Variants in ZBTB7C observed in about 807,000 individuals in gnomAD.
ZBTB7C encodes zinc finger and BTB domain containing 7C, also known as zinc finger and BTB domain-containing protein 7C.
ZBTB7C carries 8 observed loss-of-function variants against 25.7 expected under a neutral mutation model. The observed-to-expected ratio is 0.31, with a 90% CI of 0.18 to 0.56. The LOEUF (loss-of-function observed/expected upper bound fraction) is 0.56, where lower values mean the gene tolerates loss of function less well. ZBTB7C is among the 20% of genes least tolerant of loss of function. ZBTB7C has a pLI of 0.91. For synonymous variants in ZBTB7C, 394 were observed against 369.0 expected, an observed-to-expected ratio of 1.07 and a Z score of -0.78; for missense variants, 824 against 855.2, an observed-to-expected ratio of 0.96 and a Z score of 0.46.
At chr18:48,315,436 A>G in intron 2 of ZBTB7C, among the ~76,000 whole-genome samples, 1 of 152,126 alleles carries the variant, frequency 6.6e-6, no homozygotes, top group East Asian at 1.9e-4. Context: ...CATGATGTCC[A>G]AGGTAGTCAG....
rs1010749034 is a variant in ZBTB7C at position 48,040,705 on chromosome 18, C to T, written c.403G>A (p.Glu135Lys). 7 of 1,611,098 alleles carry T rather than the reference C, an allele frequency of 4.3e-6. No homozygotes were observed. Among genetic ancestry groups the T allele is most frequent in the Admixed American group, 3.3e-5 (2 of 59,878 alleles). ...TCATCGTCCTCCTTGTCATCCTCCT[C>T]CCCCCCGTCCCCCCCAGGCTCCATG... Reference protein sequence around the residue: ...EIMEPGGDGGEEDDKEDDDDD... With the variant: ...EIMEPGGDGGKEDDKEDDDDD... Residue 135 changes from glutamate (E) to lysine (K), a missense_variant, in exon 4 of 5, where the codon GAG (glutamate) becomes AAG (lysine). Glu to Lys is a moderately conservative substitution (Grantham distance 56). Transcript: ENST00000590800.
intron 2 of ZBTB7C, among the ~76,000 whole-genome samples, chr18:48,337,577 C>T (rs182115094): frequency 6.6e-6 from 1 of 152,310 alleles, no homozygotes; most frequent in Admixed American, 6.5e-5. Flanking sequence ...CTCTCCAGAC[C>T]CCTACTCATT....
At chr18:48,088,787 G>A (rs4452023) in intron 3 of ZBTB7C, among the ~76,000 whole-genome samples, 2,230 of 152,208 alleles carry the variant, frequency 0.015, 59 homozygotes, top group African/African-American at 0.051. Flanking sequence ...CAGAGATTGC[G>A]CTACTGCACT....
At chr18:48,190,403 T>C (rs1342752035) in intron 2 of ZBTB7C, among the ~76,000 whole-genome samples, 1 of 152,190 alleles carries the variant, frequency 6.6e-6, no homozygotes, top group South Asian at 2.1e-4. Flanking sequence ...GATGCAGATA[T>C]GAAAAGGTGT....
At chr18:48,366,016 A>G (rs1555751602) in intron 1 of ZBTB7C, among the ~76,000 whole-genome samples, 1 of 152,238 alleles carries the variant, frequency 6.6e-6, no homozygotes, top group Non-Finnish European at 1.5e-5. Context: ...TCATGAGATT[A>G]TATCACACAG....
intron 1 of ZBTB7C, among the ~76,000 whole-genome samples, chr18:48,385,032 C>T (rs537027773): frequency 3.1e-4 from 47 of 152,236 alleles, no homozygotes; most frequent in Non-Finnish European, 2.6e-4. Context: ...CAGTGTGGCA[C>T]AGGGAAGCCA....
chr18:48,276,904 T>G (rs1598758411), intron 2 of ZBTB7C, among the ~76,000 whole-genome samples: 1 of 129,246 alleles, frequency 7.7e-6, no homozygotes, highest in African/African-American at 2.9e-5. Context: ...TGAACTAGTT[T>G]ACAGTCCCAC....
intron 2 of ZBTB7C, among the ~76,000 whole-genome samples, chr18:48,226,395 C>G (rs923175911): frequency 2.6e-5 from 4 of 152,200 alleles, no homozygotes; most frequent in African/African-American, 9.6e-5. Context: ...CCTTAACAAT[C>G]AATCACAATC....
intron 2 of ZBTB7C, among the ~76,000 whole-genome samples, chr18:48,213,122 G>A (rs1487479600): frequency 6.6e-6 from 1 of 151,700 alleles, no homozygotes; most frequent in African/African-American, 2.4e-5. Context: ...CATAGTGGGA[G>A]CAGCCAGGGC....
At chr18:48,092,540 T>C (rs954373164) in intron 3 of ZBTB7C, among the ~76,000 whole-genome samples, 6 of 152,222 alleles carry the variant, frequency 3.9e-5, no homozygotes, top group African/African-American at 1.4e-4. Flanking sequence ...TAATACAATA[T>C]TGGAAAGCAA....
chr18:48,178,927 C>A (rs1003000163), intron 3 of ZBTB7C, among the ~76,000 whole-genome samples: 2 of 152,142 alleles, frequency 1.3e-5, no homozygotes, highest in Non-Finnish European at 2.9e-5. Flanking sequence ...CTCTCCCCCA[C>A]CAAGGGTGGC....
chr18:48,354,680 T>C (rs2046938735), intron 1 of ZBTB7C, among the ~76,000 whole-genome samples: 1 of 152,188 alleles, frequency 6.6e-6, no homozygotes, highest in African/African-American at 2.4e-5. Context: ...TGGATATTTC[T>C]TGCTTCCTGG....
intron 3 of ZBTB7C, chr18:48,083,943 A>C: frequency 1.0e-6 from 1 of 960,372 alleles, no homozygotes; most frequent in Non-Finnish European, 1.2e-6. Context: ...AGGCCTTTAA[A>C]CACGACCTGA....
chr18:48,337,883 T>G (rs946551769), intron 2 of ZBTB7C, among the ~76,000 whole-genome samples: 7 of 152,236 alleles, frequency 4.6e-5, no homozygotes, highest in Non-Finnish European at 1.0e-4. Flanking sequence ...GATTTGTTAC[T>G]CTGAGCTCCT....
intron 3 of ZBTB7C, among the ~76,000 whole-genome samples, chr18:48,078,486 C>G (rs1050102258): frequency 6.6e-6 from 1 of 152,224 alleles, no homozygotes; most frequent in Non-Finnish European, 1.5e-5. Context: ...CCGGCAGCAT[C>G]AGGTCAGCCT....
At chr18:48,166,211 G>A (rs1202573679) in intron 3 of ZBTB7C, among the ~76,000 whole-genome samples, 7 of 147,440 alleles carry the variant, frequency 4.7e-5, no homozygotes, top group African/African-American at 1.8e-4. Flanking sequence ...AAACAACTCT[G>A]TAACTGTTAA....
chr18:48,365,721 G>T (rs1423662547), intron 1 of ZBTB7C, among the ~76,000 whole-genome samples: 1 of 152,148 alleles, frequency 6.6e-6, no homozygotes, highest in Non-Finnish European at 1.5e-5. Context: ...AACTCTCTGA[G>T]ATAACAAATG....
At chr18:48,266,543 G>T (rs1245254290) in intron 2 of ZBTB7C, among the ~76,000 whole-genome samples, 2 of 152,148 alleles carry the variant, frequency 1.3e-5, no homozygotes, top group African/African-American at 4.8e-5. Context: ...ACTTTGTTTT[G>T]TTCATAATTT....
At chr18:48,077,836 A>T (rs1490639968) in intron 3 of ZBTB7C, among the ~76,000 whole-genome samples, 1 of 152,106 alleles carries the variant, frequency 6.6e-6, no homozygotes, top group Non-Finnish European at 1.5e-5. Flanking sequence ...CTGGTTATAG[A>T]GGTAAGATGC....
Sources: gnomAD v4.1 joint callset for allele counts (sites outside exome capture counted in the v4.1 genomes callset) on GRCh38, gnomAD v4.1.1 for gene constraint, MANE v1.5 for transcripts, NCBI Gene and HGNC (gene_info 2026-07-23, HGNC 2026-07-21) for gene names.